Variants in GCH1 observed in about 807,000 individuals in gnomAD.
The protein encoded by GCH1 is GTP cyclohydrolase 1.
A neutral mutation model predicts 25.9 loss-of-function variants in GCH1; 5 were observed. That is an observed-to-expected ratio of 0.19 (90% CI 0.10 to 0.41). The LOEUF is 0.41. GCH1 is among the 10% of genes least tolerant of loss of function. GCH1 has a pLI of 1.00. For missense variants in GCH1, 261 were observed against 336.5 expected (o/e 0.78, Z 1.75); for synonymous variants, 159 against 129.6 (o/e 1.23, Z -1.54).
chr14:54,897,975 T>C (rs1336878243), intron 1 of GCH1, among the ~76,000 whole-genome samples: 1 of 152,226 alleles, frequency 6.6e-6, no homozygotes, highest in Non-Finnish European at 1.5e-5. Context: ...GATAGCCTAT[T>C]ACACACCTAG....
intron 4 of GCH1, among the ~76,000 whole-genome samples, chr14:54,846,514 GA>G (rs1300822275): frequency 1.6e-4 from 25 of 151,962 alleles, no homozygotes; most frequent in Non-Finnish European, 1.5e-5. Context: ...TTTGTTAAAT[GA>G]AAAAAAGCAG....
chr14:54,881,310 A>C (rs1250006050), intron 1 of GCH1, among the ~76,000 whole-genome samples: 2 of 152,176 alleles, frequency 1.3e-5, no homozygotes, highest in African/African-American at 2.4e-5. Context: ...GCAGTGCTGC[A>C]AACTCTTTCA....
Position 54,843,240 on chromosome 14 carries a change from A to G in GCH1, c.*777T>C, listed in dbSNP as rs1399207038. On this transcript the variant is annotated 3_prime_UTR_variant, in exon 6 of 6. Transcript: ENST00000491895. ...TTGCAGTGTGAGTACTAAGTCTCAT[A>G]AAATAATGGCTTTTTTAAAAAGGCA... is the stretch of plus-strand genomic sequence containing the variant. The G allele has an allele frequency of 7.2e-7, 1 of 1,398,368 alleles. No individual in the cohort carries two copies. The highest frequency in any genetic ancestry group is 1.5e-5 in the African/African-American group (1 of 68,828). 86.6% of individuals were successfully genotyped at this position (1,398,368 alleles called of 1,614,324 possible). A position where few individuals can be genotyped will look rare whatever the true frequency, so the allele number is the denominator to read the frequency against.
intron 1 of GCH1, among the ~76,000 whole-genome samples, chr14:54,869,694 G>C (rs1302068436): frequency 2.0e-5 from 3 of 151,640 alleles, no homozygotes; most frequent in South Asian, 2.1e-4. Flanking sequence ...TGGTCAGACT[G>C]GTCTGGAACT....
chr14:54,883,092 G>A (rs543311420), intron 1 of GCH1, among the ~76,000 whole-genome samples: 1 of 152,150 alleles, frequency 6.6e-6, no homozygotes, highest in Admixed American at 6.5e-5. Context: ...ACCCACTGCT[G>A]GCCGGGCGCG....
chr14:54,850,671 C>T (rs983897281), intron 3 of GCH1, among the ~76,000 whole-genome samples: 3 of 152,098 alleles, frequency 2.0e-5, no homozygotes, highest in Non-Finnish European at 4.4e-5. Flanking sequence ...GTGTTTCCTA[C>T]CCTGTGTCCA....
At chr14:54,848,013 G>C (rs1161179855) in intron 3 of GCH1, among the ~76,000 whole-genome samples, 1 of 152,056 alleles carries the variant, frequency 6.6e-6, no homozygotes. Context: ...GAACTGATTA[G>C]ACTTCTTCAG....
In GCH1 at chr14:54,900,393, G is replaced by T. The variant is rs541068213; in HGVS notation, c.343+1928C>A. Among the ~76,000 whole-genome samples, 14 of 150,964 alleles carry T rather than the reference G, an allele frequency of 9.3e-5. No homozygotes were observed. In the South Asian group the frequency reaches 2.9e-3, roughly 32 times the overall value. On this transcript the variant is annotated intron_variant, in intron 1 of 5. Coordinates refer to ENST00000491895, the MANE Select transcript of GCH1 (RefSeq NM_000161.3). ...CCCGGCTAATTTTTTTGTATCTTTA[G>T]TAGAGACGGGGTTTCGCCATGTTGA...
At chr14:54,847,939 GTTAA>G (rs1369784458) in intron 3 of GCH1, among the ~76,000 whole-genome samples, 2 of 152,014 alleles carry the variant, frequency 1.3e-5, no homozygotes, top group Admixed American at 6.6e-5. Context: ...AAAAGACTTT[GTTAA>G]TTAATAGCAC....
At chr14:54,853,868 C>G (rs898748362) in intron 3 of GCH1, among the ~76,000 whole-genome samples, 2 of 152,114 alleles carry the variant, frequency 1.3e-5, no homozygotes, top group Non-Finnish European at 2.9e-5. Flanking sequence ...TTTGTGGTTA[C>G]TTGAAAGCTT....
chr14:54,887,337 A>G (rs2040366572), intron 1 of GCH1, among the ~76,000 whole-genome samples: 1 of 152,244 alleles, frequency 6.6e-6, no homozygotes, highest in Non-Finnish European at 1.5e-5. Flanking sequence ...TTCCTGCTAA[A>G]AATGTTTTCC....
At chr14:54,895,292 C>A (rs902644400) in intron 1 of GCH1, among the ~76,000 whole-genome samples, 1 of 152,204 alleles carries the variant, frequency 6.6e-6, no homozygotes, top group African/African-American at 2.4e-5. Context: ...TCTCCAATGC[C>A]ATCTCCTCAC....
intron 1 of GCH1, among the ~76,000 whole-genome samples, chr14:54,872,297 T>G (rs1053464006): frequency 1.8e-4 from 27 of 152,024 alleles, no homozygotes; most frequent in African/African-American, 6.5e-4. Flanking sequence ...AAGCAAATGC[T>G]GAGAGATTTT....
intron 3 of GCH1, among the ~76,000 whole-genome samples, chr14:54,855,829 A>G (rs1388561766): frequency 6.6e-6 from 1 of 152,208 alleles, no homozygotes; most frequent in East Asian, 1.9e-4. Flanking sequence ...AACACCAAAT[A>G]AAATAAAATT....
At chr14:54,862,376 A>AT (rs2039911596) in intron 2 of GCH1, among the ~76,000 whole-genome samples, 1 of 96,966 alleles carries the variant, frequency 1.0e-5, no homozygotes, top group African/African-American at 4.7e-5. Flanking sequence ...ATGAAGCACT[A>AT]CTCTTTTTTT....
intron 1 of GCH1, among the ~76,000 whole-genome samples, chr14:54,871,090 G>C: frequency 6.6e-6 from 1 of 152,172 alleles, no homozygotes. Flanking sequence ...TAACTGGGAG[G>C]CACCCCCAAG....
intron 2 of GCH1, among the ~76,000 whole-genome samples, chr14:54,862,166 G>C (rs565476028): frequency 2.5e-4 from 38 of 152,036 alleles, no homozygotes; most frequent in African/African-American, 8.0e-4. Context: ...AAAGTAGCTA[G>C]GACTACAGGT....
Position 54,878,465 on chromosome 14 carries a change from T to C in GCH1, c.344-13029A>G, listed in dbSNP as rs78918315. Among the ~76,000 whole-genome samples the C allele has an allele frequency of 8.7e-3, 1,330 of 152,292 alleles. 21 individuals carry two copies. The highest frequency in any genetic ancestry group is 0.031 in the African/African-American group (1,277 of 41,548). ...TGGCTGGAATTAAATCAACTCAAGG[T>C]GCTAACAAAGATAAGCCTATCCTGA... On this transcript the variant is annotated intron_variant, in intron 1 of 5. Coordinates refer to ENST00000491895, the MANE Select transcript of GCH1 (RefSeq NM_000161.3).
chr14:54,891,171 C>T (rs550153591), intron 1 of GCH1, among the ~76,000 whole-genome samples: 4 of 152,102 alleles, frequency 2.6e-5, no homozygotes, highest in South Asian at 2.1e-4. Flanking sequence ...GGCACAATCT[C>T]GGCTCACTGC....
Sources: allele counts gnomAD v4.1 joint callset (sites outside exome capture counted in the v4.1 genomes callset), GRCh38; gene constraint gnomAD v4.1.1; transcripts MANE v1.5; gene names NCBI Gene and HGNC (gene_info 2026-07-23, HGNC 2026-07-21).